The following PARD3 variants were observed in gnomAD, a reference collection of about 807,000 sequenced individuals.
PARD3 encodes the protein par-3 family cell polarity regulator.
Under a neutral mutation model 155.4 loss-of-function variants are expected in PARD3, and 75 were observed. That is an observed-to-expected ratio of 0.48 (90% CI 0.40 to 0.58). The LOEUF is 0.58. PARD3 is among the 20% of genes least tolerant of loss of function. The pLI is 0.00. For missense variants in PARD3, 1,642 were observed against 1,721.7 expected (o/e 0.95, Z 0.82); for synonymous variants, 576 against 610.5 (o/e 0.94, Z 0.83).
chr10:34,602,530 T>A (rs2089880883), intron 2 of PARD3, among the ~76,000 whole-genome samples: 1 of 152,194 alleles, frequency 6.6e-6, no homozygotes, highest in African/African-American at 2.4e-5. Flanking sequence ...CTCTTAAATG[T>A]CCATCAGCAC....
intron 2 of PARD3, among the ~76,000 whole-genome samples, chr10:34,638,461 T>A (rs1280906547): frequency 1.3e-5 from 2 of 152,172 alleles, no homozygotes; most frequent in Admixed American, 1.3e-4. Flanking sequence ...GAAACAGCAA[T>A]ATCTTCTGTG....
At chr10:34,791,328 C>T (rs1841590664) in intron 1 of PARD3, among the ~76,000 whole-genome samples, 4 of 152,186 alleles carry the variant, frequency 2.6e-5, no homozygotes, top group Non-Finnish European at 5.9e-5. Context: ...CGATGCTCCA[C>T]CACACTGCTG....
Position 34,615,032 on chromosome 10 carries a change from T to C in PARD3, c.222+81286A>G, listed in dbSNP as rs189744610. Among the ~76,000 whole-genome samples, 4 of 152,008 alleles carry C rather than the reference T, an allele frequency of 2.6e-5. No individual in the cohort carries two copies. The East Asian group carries it at 7.7e-4, about 29-fold the overall frequency. On this transcript the variant is annotated intron_variant, in intron 2 of 24. Transcript: ENST00000374788. ...TCTCTACTAAAAATACAAAAAAAAC[T>C]TAGCCAGGCGTTGTGGCGGGTGCCT...
intron 2 of PARD3, among the ~76,000 whole-genome samples, chr10:34,542,442 T>C (rs1315378716): frequency 6.6e-6 from 1 of 152,076 alleles, no homozygotes; most frequent in Non-Finnish European, 1.5e-5. Context: ...ACATCCTCAA[T>C]ACACAGGACA....
chr10:34,493,986 C>T (rs1407234701), intron 3 of PARD3, among the ~76,000 whole-genome samples: 1 of 152,140 alleles, frequency 6.6e-6, no homozygotes. Context: ...CCATAATACT[C>T]ATATTTACAC....
intron 2 of PARD3, among the ~76,000 whole-genome samples, chr10:34,585,267 A>C (rs1280083405): frequency 6.6e-6 from 1 of 152,190 alleles, no homozygotes; most frequent in African/African-American, 2.4e-5. Context: ...TAACATCTAT[A>C]GCCTTTTTAA....
intron 9 of PARD3, among the ~76,000 whole-genome samples, chr10:34,381,383 T>A (rs890169250): frequency 3.9e-5 from 6 of 152,164 alleles, no homozygotes; most frequent in Admixed American, 3.3e-4. Context: ...AGACATGATT[T>A]AAAAATATAT....
chr10:34,378,236 A>C (rs1488797807), intron 9 of PARD3, 130 bp from the exon 10 acceptor site: 6 of 657,800 alleles, frequency 9.1e-6, no homozygotes, highest in Non-Finnish European at 1.5e-5. Context: ...TTCTTCTACT[A>C]CTTTAAAAGT....
intron 3 of PARD3, among the ~76,000 whole-genome samples, chr10:34,477,478 CCTT>C: frequency 6.6e-6 from 1 of 152,280 alleles, no homozygotes; most frequent in East Asian, 1.9e-4. Context: ...CAGCAATAAA[CCTT>C]CATCACAAGA....
intron 1 of PARD3, among the ~76,000 whole-genome samples, chr10:34,814,202 G>T (rs377489192): frequency 6.6e-6 from 1 of 152,184 alleles, no homozygotes; most frequent in African/African-American, 2.4e-5. Context: ...ATGCTCGCAA[G>T]CGAGTGCCAA....
intron 1 of PARD3, among the ~76,000 whole-genome samples, chr10:34,750,419 C>T (rs1272501156): frequency 1.3e-5 from 2 of 150,798 alleles, no homozygotes; most frequent in African/African-American, 2.4e-5. Context: ...GCTACAGACA[C>T]ATTTGTAGTA....
chr10:34,230,254 T>C (rs2133561825), intron 22 of PARD3, among the ~76,000 whole-genome samples: 1 of 152,168 alleles, frequency 6.6e-6, no homozygotes, highest in Non-Finnish European at 1.5e-5. Context: ...ACATGTGGAT[T>C]TCCTGAGCAG....
At chr10:34,634,204 G>C (rs974957006) in intron 2 of PARD3, among the ~76,000 whole-genome samples, 1 of 152,150 alleles carries the variant, frequency 6.6e-6, no homozygotes, top group Non-Finnish European at 1.5e-5. Flanking sequence ...AGAAAAAATA[G>C]GGGAGTTGTG....
chr10:34,432,645 T>A (rs1395958850), intron 5 of PARD3, among the ~76,000 whole-genome samples: 2 of 152,102 alleles, frequency 1.3e-5, no homozygotes, highest in Non-Finnish European at 2.9e-5. Context: ...AACTGGCAGT[T>A]TCAAGTCACA....
At chr10:34,158,916 T>C (rs752171088) in intron 22 of PARD3, among the ~76,000 whole-genome samples, 2 of 152,192 alleles carry the variant, frequency 1.3e-5, no homozygotes, top group Non-Finnish European at 2.9e-5. Flanking sequence ...TTGAAAGGCT[T>C]TGGGACAAGT....
chr10:34,571,037 C>T (rs931367852), intron 2 of PARD3, among the ~76,000 whole-genome samples: 2 of 152,226 alleles, frequency 1.3e-5, no homozygotes, highest in East Asian at 1.9e-4. Context: ...TTCGACTGGG[C>T]GTAGTAACTC....
intron 22 of PARD3, among the ~76,000 whole-genome samples, chr10:34,199,975 T>C (rs1951135150): frequency 6.6e-6 from 1 of 152,314 alleles, no homozygotes; most frequent in Admixed American, 6.5e-5. Flanking sequence ...TTTGGTAAAG[T>C]AGAGGAAATC....
chr10:34,621,941 GAA>G (rs1329981425), intron 2 of PARD3, among the ~76,000 whole-genome samples: 1 of 152,172 alleles, frequency 6.6e-6, no homozygotes, highest in Non-Finnish European at 1.5e-5. Context: ...GTAAGTTGAA[GAA>G]AAAGAGTTAT....
At chr10:34,233,017 ATTTTTTTTT>A (rs3039283) in intron 22 of PARD3, among the ~76,000 whole-genome samples, 2 of 96,194 alleles carry the variant, frequency 2.1e-5, no homozygotes, top group African/African-American at 8.8e-5. Flanking sequence ...TCAAATGTTA[ATTTTTTTTT>A]TTTTTTTTTT....
Sources: allele counts gnomAD v4.1 joint callset (sites outside exome capture counted in the v4.1 genomes callset), GRCh38; gene constraint gnomAD v4.1.1; transcripts MANE v1.5; gene names NCBI Gene and HGNC (gene_info 2026-07-23, HGNC 2026-07-21).